RSPH6A: variants seen among roughly 807,000 people sequenced by gnomAD.
The protein encoded by RSPH6A is radial spoke head 6 homolog A, also known as radial spoke head protein 6 homolog A.
A neutral mutation model predicts 66.1 loss-of-function variants in RSPH6A; 49 were observed. The observed-to-expected ratio is 0.74, with a 90% CI of 0.59 to 0.94. The LOEUF (loss-of-function observed/expected upper bound fraction) is 0.94. Ranked by LOEUF, RSPH6A falls within the 40% of genes least tolerant of loss-of-function variation. The pLI is 0.00. For synonymous variants in RSPH6A, 419 were observed against 402.4 expected (o/e 1.04, Z -0.49); for missense variants, 977 against 948.3 (o/e 1.03, Z -0.40).
chr19:45,814,810 GC>G lies in RSPH6A; in HGVS notation c.366del (p.Leu123SerfsTer45). The G allele has an allele frequency of 6.2e-7, 1 of 1,613,958 alleles. No individual in the cohort carries two copies. Among genetic ancestry groups the G allele is most frequent in the Non-Finnish European group, 8.5e-7 (1 of 1,179,886 alleles). On this transcript the variant is annotated frameshift_variant, in exon 1 of 6. Transcript: ENST00000221538. LOFTEE classifies it high-confidence loss of function. ...AELTTSLMLQ[R>X]LQQGQSSLFQ... is the part of the protein sequence containing the mutation. ...AACAGGCTGCTTTGGCCCTGCTGGA[GC>G]CGCTGCAGCATTAGGCTGGTGGTGA...
chr19:45,814,171 A>C lies in RSPH6A; in HGVS notation c.650+356T>G, dbSNP rs561838696. On this transcript the variant is annotated intron_variant, in intron 1 of 5. Transcript: ENST00000221538. Reference sequence around the variant, plus strand: ...GAGACTATGTCTGGGGGAAAAAAAAAGCAAGAGGGCTTGGGGAGCCAAATC... The same window carrying C: ...GAGACTATGTCTGGGGGAAAAAAAACGCAAGAGGGCTTGGGGAGCCAAATC... Among the ~76,000 whole-genome samples the C allele has an allele frequency of 7.9e-5, 12 of 152,054 alleles. No individual in the cohort carries two copies. The East Asian group carries it at 2.3e-3, about 29-fold the overall frequency.
Position 45,804,416 on chromosome 19 carries a change from G to T in RSPH6A, c.1489C>A (p.Leu497Met). Residue 497 changes from leucine (L) to methionine (M), a missense_variant, in exon 3 of 6, where the codon CTG becomes ATG. Transcript: ENST00000221538. The surrounding 1 kb of genome is among the most constrained non-coding windows in gnomAD (Gnocchi z 5.8). ...RISAATQVSPLGFYQFSEEEG... is the reference protein window; with the variant it reads ...RISAATQVSPMGFYQFSEEEG... ...TCCTCACTAAACTGGTAGAAGCCCA[G>T]CGGGCTGACCTGCGTGGCGGCCGAG... 1 of 1,613,882 alleles carries T rather than the reference G, an allele frequency of 6.2e-7. No individual in the cohort carries two copies. Among genetic ancestry groups the T allele is most frequent in the Non-Finnish European group, 8.5e-7 (1 of 1,179,980 alleles).
chr19:45,795,817 A>C lies in RSPH6A; in HGVS notation c.*52T>G. 1 of 1,491,914 alleles carries C rather than the reference A, an allele frequency of 6.7e-7. No individual in the cohort carries two copies. Among genetic ancestry groups the C allele is most frequent in the African/African-American group, 1.4e-5 (1 of 72,478 alleles). 92.4% of individuals were successfully genotyped at this position (1,491,914 alleles called of 1,614,324 possible). A position where few individuals can be genotyped will look rare whatever the true frequency, so the allele number is the denominator to read the frequency against. On this transcript the variant is annotated 3_prime_UTR_variant, in exon 6 of 6. Coordinates refer to ENST00000221538, the MANE Select transcript of RSPH6A (RefSeq NM_030785.4). ...AATATAATCCATGCTAACTACCTCT[A>C]AGGGGAAATTTGCTATCTACCTGCT...
chr19:45,806,951 G>C (rs1432145948), intron 2 of RSPH6A, among the ~76,000 whole-genome samples: 1 of 151,480 alleles, frequency 6.6e-6, no homozygotes. Flanking sequence ...CTGGAGTGCA[G>C]TGATCTGATC....
At chr19:45,800,628 C>A (rs532723773) in intron 4 of RSPH6A, 65 bp from the exon 5 acceptor site, 3 of 1,374,024 alleles carry the variant, frequency 2.2e-6, no homozygotes, top group South Asian at 2.6e-5. Context: ...CTGCACTGCA[C>A]CCTGAAGGAA....
chr19:45,813,214 C>T (rs1001442398), intron 1 of RSPH6A, among the ~76,000 whole-genome samples: 5 of 152,164 alleles, frequency 3.3e-5, no homozygotes, highest in Non-Finnish European at 7.3e-5. Context: ...AACAGCAAGC[C>T]TCAGAGCCTT....
intron 3 of RSPH6A, among the ~76,000 whole-genome samples, chr19:45,802,503 A>ATTT (rs61325479): frequency 1.5e-5 from 2 of 129,294 alleles, no homozygotes; most frequent in Admixed American, 8.0e-5. Flanking sequence ...CACTCATTGA[A>ATTT]TTTTTTTTTT....
intron 2 of RSPH6A, among the ~76,000 whole-genome samples, chr19:45,810,385 T>C (rs1970607968): frequency 6.6e-6 from 1 of 152,162 alleles, no homozygotes; most frequent in African/African-American, 2.4e-5. Flanking sequence ...TTAGCAAAGA[T>C]GGTCTTGATC....
chr19:45,798,950 A>G (rs944169855), intron 5 of RSPH6A, among the ~76,000 whole-genome samples: 2 of 151,830 alleles, frequency 1.3e-5, no homozygotes, highest in African/African-American at 4.8e-5. Flanking sequence ...GGATGGATGG[A>G]CAAGTGGAGC....
intron 5 of RSPH6A, among the ~76,000 whole-genome samples, chr19:45,800,149 G>A (rs979043619): frequency 1.3e-5 from 2 of 152,224 alleles, no homozygotes; most frequent in Admixed American, 6.5e-5. Flanking sequence ...GCTGTCATCA[G>A]GGGGCTGGAG....
chr19:45,815,102 C>T lies in RSPH6A; in HGVS notation c.75G>A (p.Gln25=). The T allele has an allele frequency of 6.2e-7, 1 of 1,612,976 alleles. No individual in the cohort carries two copies. The highest frequency in any genetic ancestry group is 8.5e-7 in the Non-Finnish European group (1 of 1,180,022). ...PPGRRTSQAS[Q]RRHSRDQAQA... Reference sequence around the variant, plus strand: ...GAGCTTGGTCCCGACTGTGCCGCCTCTGGGAGGCCTGAGAAGTCCTCCGGC... The same window carrying T: ...GAGCTTGGTCCCGACTGTGCCGCCTTTGGGAGGCCTGAGAAGTCCTCCGGC... The change falls in exon 1 of 6, where the codon CAG becomes CAA. Residue 25 remains glutamine, a synonymous_variant. Coordinates refer to ENST00000221538, the MANE Select transcript of RSPH6A (RefSeq NM_030785.4).
At position 45,810,604 on chromosome 19, in the gene RSPH6A, A is replaced by C. The variant is rs1600479392; in HGVS notation, c.887T>G (p.Val296Gly). 6.2e-7 allele frequency: 1 copy of C among 1,610,462 alleles called. No individual in the cohort carries two copies. ...TEGEQEMEEE[V>G]GETPVPNIME... ...ACCTCTCCTGACTGGCTCACTCACCACCTCCTCCTCCATCTCCTGTTCGCC... is the reference window on the plus strand; with the variant it reads ...ACCTCTCCTGACTGGCTCACTCACCCCCTCCTCCTCCATCTCCTGTTCGCC... The change falls in exon 2 of 6, where the codon GTG becomes GGG. Residue 296 changes from valine (V) to glycine (G), a missense_variant and splice_region_variant. Coordinates refer to ENST00000221538, the MANE Select transcript of RSPH6A (RefSeq NM_030785.4).
chr19:45,800,996 C>T (rs28606481), intron 4 of RSPH6A, among the ~76,000 whole-genome samples: 9,897 of 152,078 alleles, frequency 0.065, 423 homozygotes, highest in African/African-American at 0.11. Context: ...CAGGGTTTCA[C>T]CATGTTGGCC....
chr19:45,802,031 G>T, intron 4 of RSPH6A, 89 bp downstream of exon 4: 3 of 1,276,660 alleles, frequency 2.3e-6, no homozygotes, highest in Non-Finnish European at 3.0e-6. Flanking sequence ...GGAAGGACCG[G>T]GGAGATGGAC....
chr19:45,805,166 G>T, intron 2 of RSPH6A, 150 bp from the exon 3 acceptor site: 1 of 647,202 alleles, frequency 1.5e-6, no homozygotes, highest in Non-Finnish European at 2.6e-6. Flanking sequence ...AAAGGCCGAG[G>T]CTGGCTGATC....
chr19:45,809,801 G>A (rs772693348), intron 2 of RSPH6A, among the ~76,000 whole-genome samples: 3 of 152,194 alleles, frequency 2.0e-5, no homozygotes, highest in Non-Finnish European at 2.9e-5. Flanking sequence ...TCAAAGCAGT[G>A]GGGGGGCAGG....
At chr19:45,800,313 G>C (rs1970454126) in intron 5 of RSPH6A, 133 bp downstream of exon 5, 1 of 712,460 alleles carries the variant, frequency 1.4e-6, no homozygotes, top group African/African-American at 1.8e-5. Flanking sequence ...GGAGCTATGA[G>C]GGCATTAGTC....
intron 1 of RSPH6A, among the ~76,000 whole-genome samples, chr19:45,813,051 C>A (rs1421482921): frequency 1.3e-5 from 2 of 152,054 alleles, no homozygotes. Flanking sequence ...CCCCTGTGGG[C>A]AATGGGGAGC....
At chr19:45,803,138 G>A (rs1970494112) in intron 3 of RSPH6A, among the ~76,000 whole-genome samples, 1 of 151,138 alleles carries the variant, frequency 6.6e-6, no homozygotes, top group East Asian at 2.0e-4. Context: ...GAACCTAGGA[G>A]GCAGAGCTTG....
Sources: gnomAD v4.1 joint callset for allele counts (sites outside exome capture counted in the v4.1 genomes callset) on GRCh38, gnomAD v4.1.1 for gene constraint, Gnocchi (gnomAD v3.1) non-coding constraint, MANE v1.5 for transcripts, NCBI Gene and HGNC (gene_info 2026-07-23, HGNC 2026-07-21) for gene names.